Variants in MBTPS1 observed in about 807,000 individuals in gnomAD.
MBTPS1 encodes membrane bound transcription factor peptidase, site 1, also known as membrane-bound transcription factor site-1 protease.
MBTPS1 carries 94 observed loss-of-function variants against 127.8 expected under a neutral mutation model. The observed-to-expected ratio is 0.74, with a 90% CI of 0.62 to 0.87. MBTPS1 has a LOEUF of 0.87. Among genes scored for constraint, MBTPS1 ranks in the 40% least tolerant of loss-of-function variants. The probability of loss-of-function intolerance (pLI) is 0.00; values close to 1 mark genes in which losing one functional copy is unlikely to be tolerated. For synonymous variants in MBTPS1, 632 were observed against 509.4 expected (o/e 1.24, Z -3.24); for missense variants, 1,636 against 1,353.2 (o/e 1.21, Z -3.28).
intron 1 of MBTPS1, among the ~76,000 whole-genome samples, chr16:84,104,158 T>A (rs1390762194): frequency 5.3e-5 from 8 of 152,206 alleles, no homozygotes; most frequent in African/African-American, 1.9e-4. Context: ...ATAACAGTTC[T>A]CATATCACAG....
chr16:84,090,695 T>G (rs1325497935), intron 8 of MBTPS1, among the ~76,000 whole-genome samples, 180 bp downstream of exon 8: 3 of 152,260 alleles, frequency 2.0e-5, no homozygotes, highest in South Asian at 2.1e-4. Context: ...AGGTGAGTGG[T>G]GAGTACCTGG....
At chr16:84,056,294 A>G (rs781025523) in intron 21 of MBTPS1, 159 bp from the exon 22 acceptor site, 16 of 585,778 alleles carry the variant, frequency 2.7e-5, no homozygotes, top group Non-Finnish European at 4.8e-5. Flanking sequence ...CACTGACAGC[A>G]ACTATGGTGG....
At chr16:84,112,876 G>C (rs1309602392) in intron 1 of MBTPS1, among the ~76,000 whole-genome samples, 1 of 150,078 alleles carries the variant, frequency 6.7e-6, no homozygotes, top group Non-Finnish European at 1.5e-5. Flanking sequence ...TCAGGAGGTT[G>C]AGGTGGGAGA....
At chr16:84,105,301 C>T (rs995548255) in intron 1 of MBTPS1, among the ~76,000 whole-genome samples, 1 of 152,130 alleles carries the variant, frequency 6.6e-6, no homozygotes, top group Non-Finnish European at 1.5e-5. Flanking sequence ...TACTACAGAA[C>T]AAACACGGAC....
chr16:84,114,776 G>A (rs1237254604), intron 1 of MBTPS1, among the ~76,000 whole-genome samples: 1 of 150,862 alleles, frequency 6.6e-6, no homozygotes, highest in Non-Finnish European at 1.5e-5. Flanking sequence ...GTTGCAGTGA[G>A]CCGAGATCCA....
intron 21 of MBTPS1, chr16:84,057,557 T>G (rs1445686605): frequency 1.3e-5 from 2 of 152,238 alleles, no homozygotes; most frequent in Non-Finnish European, 2.9e-5. Flanking sequence ...GGGCACCTGA[T>G]GCCAACGAAG....
intron 21 of MBTPS1, among the ~76,000 whole-genome samples, chr16:84,058,224 T>C (rs2085548987): frequency 1.3e-5 from 2 of 152,232 alleles, no homozygotes; most frequent in Admixed American, 6.5e-5. Flanking sequence ...ATACGGTCAG[T>C]GCGTGGTGTG....
intron 18 of MBTPS1, among the ~76,000 whole-genome samples, chr16:84,064,073 C>G (rs1203594488): frequency 6.6e-6 from 1 of 152,100 alleles, no homozygotes; most frequent in Non-Finnish European, 1.5e-5. Flanking sequence ...ATCAAGAAGT[C>G]AAAAATGTAT....
In MBTPS1 at chr16:84,054,102, G is replaced by C. The variant is rs1323101547; in HGVS notation, c.*347C>G. ...GCCTTTAACAAGCGTCTTTTAGCTTGGTCAGGGTTGTATCATTTGTTTGGA... is the reference window on the plus strand; with the variant it reads ...GCCTTTAACAAGCGTCTTTTAGCTTCGTCAGGGTTGTATCATTTGTTTGGA... On this transcript the variant is annotated 3_prime_UTR_variant, in exon 23 of 23. Transcript: ENST00000343411. 1 of 190,714 alleles carries C rather than the reference G, an allele frequency of 5.2e-6. No individual in the cohort carries two copies. Among genetic ancestry groups the C allele is most frequent in the Non-Finnish European group, 1.1e-5 (1 of 92,536 alleles). 11.8% of individuals were successfully genotyped at this position (190,714 alleles called of 1,614,324 possible). A position where few individuals can be genotyped will look rare whatever the true frequency, so the allele number is the denominator to read the frequency against.
At chr16:84,076,519 G>A (rs2085857011) in intron 11 of MBTPS1, among the ~76,000 whole-genome samples, 1 of 152,138 alleles carries the variant, frequency 6.6e-6, no homozygotes, top group South Asian at 2.1e-4. Context: ...ATTTCCATAT[G>A]GTAGGTTAGT....
intron 14 of MBTPS1, among the ~76,000 whole-genome samples, chr16:84,068,850 C>T (rs1428718853): frequency 6.6e-6 from 1 of 152,224 alleles, no homozygotes; most frequent in African/African-American, 2.4e-5. Flanking sequence ...CGCAGGGCCA[C>T]GGTGCTAAGA....
Position 84,062,571 on chromosome 16 carries a change from G to C in MBTPS1, c.2572+734C>G, listed in dbSNP as rs917918697. The stretch of plus-strand genomic sequence containing the variant: ...TCTTGTCACTCACCACCCGCCCTGT[G>C]CCTCGAGTTCCCCAGTGGTCACAGC... On this transcript the variant is annotated intron_variant, in intron 19 of 22. Coordinates refer to ENST00000343411, the MANE Select transcript of MBTPS1 (RefSeq NM_003791.4). 1.2e-4 allele frequency among the ~76,000 whole-genome samples: 19 copies of C among 152,174 alleles called. 1 individual carries two copies. Among genetic ancestry groups the C allele is most frequent in the Admixed American group, 6.5e-4 (10 of 15,276 alleles).
chr16:84,109,349 G>A (rs2086367997), intron 1 of MBTPS1: 1 of 152,122 alleles, frequency 6.6e-6, no homozygotes. Flanking sequence ...CAGGAAAACA[G>A]GAGTCCACAA....
At position 84,070,712 on chromosome 16, in the gene MBTPS1, G is replaced by A. The variant is rs553862782; in HGVS notation, c.1658C>T (p.Ser553Leu). ...GTAGCCCGACCAAGGCCATAAGACC[G>A]AGGAGTAGGAGAAGGCAACTTCAAT... Reference protein sequence around the residue: ...DNIEVAFSYSSVLWPWSGYLA... With the variant: ...DNIEVAFSYSLVLWPWSGYLA... The change falls in exon 13 of 23, where the codon TCG becomes TTG. Residue 553 changes from serine to leucine, a missense_variant. Transcript: ENST00000343411. 201 of 1,614,080 alleles carry A rather than the reference G, an allele frequency of 1.2e-4. 4 individuals carry two copies. The South Asian group carries it at 1.8e-3, about 15-fold the overall frequency.
Position 84,085,134 on chromosome 16 carries a change from C to G in MBTPS1, c.1135G>C (p.Glu379Gln). 6.2e-7 allele frequency: 1 copy of G among 1,614,012 alleles called. No homozygotes were observed. The stretch of plus-strand genomic sequence containing the variant: ...ATGCGACCGTAGCCTCCTGGTAGCT[C>G]CTATGAATAAAAGCAGCTTGGTTGC... ...RFSSRGMTTW[E>Q]LPGGYGRMKP... Residue 379 changes from glutamate to glutamine, a missense_variant and splice_region_variant, in exon 10 of 23, where the codon GAG (glutamate) becomes CAG (glutamine). Coordinates refer to ENST00000343411, the MANE Select transcript of MBTPS1 (RefSeq NM_003791.4).
At position 84,063,334 on chromosome 16, in the gene MBTPS1, T is replaced by C. The variant is rs772622114; in HGVS notation, c.2543A>G (p.Asn848Ser). Residue 848 changes from asparagine to serine, a missense_variant, in exon 19 of 23, where the codon AAT becomes AGT. Coordinates refer to ENST00000343411, the MANE Select transcript of MBTPS1 (RefSeq NM_003791.4). ...GGRIVLYGDS[N>S]CLDDSHRQKD... ...CTGTCGGTGACTGTCATCCAAGCAA[T>C]TGGAGTCCCCATACAGTACAATCCG... 132 of 1,612,912 alleles carry C rather than the reference T, an allele frequency of 8.2e-5. No individual in the cohort carries two copies. The highest frequency in any genetic ancestry group is 1.1e-4 in the Non-Finnish European group (124 of 1,179,008).
At chr16:84,087,650 T>C (rs770812248) in intron 8 of MBTPS1, among the ~76,000 whole-genome samples, 190 bp from the exon 9 acceptor site, 10 of 152,172 alleles carry the variant, frequency 6.6e-5, no homozygotes, top group South Asian at 2.1e-4. Flanking sequence ...GCCACGTTCA[T>C]GCTGTGCTCA....
At chr16:84,101,527 G>A in intron 2 of MBTPS1, 94 bp downstream of exon 2, 6 of 1,026,322 alleles carry the variant, frequency 5.8e-6, no homozygotes, top group Non-Finnish European at 8.4e-6. Context: ...CTGTAGAAAA[G>A]AGGAACATGT....
At chr16:84,090,338 C>T (rs1342803734) in intron 8 of MBTPS1, among the ~76,000 whole-genome samples, 4 of 152,212 alleles carry the variant, frequency 2.6e-5, no homozygotes, top group African/African-American at 9.7e-5. Context: ...CCCTGTGACA[C>T]TGTCCTCCCT....
Sources: allele counts gnomAD v4.1 joint callset (sites outside exome capture counted in the v4.1 genomes callset), GRCh38; gene constraint gnomAD v4.1.1; transcripts MANE v1.5; gene names NCBI Gene and HGNC (gene_info 2026-07-23, HGNC 2026-07-21).